Variants in NKPD1 observed in about 807,000 individuals in gnomAD.
NKPD1 encodes the protein NTPase KAP family P-loop domain containing 1.
A neutral mutation model predicts 42.2 loss-of-function variants in NKPD1; 37 were observed. That is an observed-to-expected ratio of 0.88 (90% confidence interval 0.67 to 1.15). The LOEUF (loss-of-function observed/expected upper bound fraction) is 1.15, where lower values mean the gene tolerates loss of function less well. NKPD1 is among the 50% of genes most tolerant of loss of function. The probability of loss-of-function intolerance (pLI) is 0.00; values close to 1 mark genes in which losing one functional copy is unlikely to be tolerated. For synonymous variants in NKPD1, 552 were observed against 536.5 expected, an observed-to-expected ratio of 1.03 and a Z score of -0.40; for missense variants, 1,113 against 1,174.6, an observed-to-expected ratio of 0.95 and a Z score of 0.77.
chr19:45,161,914 G>T (rs1264089804), upstream of NKPD1, among the ~76,000 whole-genome samples: 4 of 152,144 alleles, frequency 2.6e-5, no homozygotes, highest in African/African-American at 9.7e-5. Flanking sequence ...AACCCACCCA[G>T]CCCTGAGTTC....
upstream of NKPD1, among the ~76,000 whole-genome samples, chr19:45,161,902 G>C (rs1039011943): frequency 6.6e-6 from 1 of 152,104 alleles, no homozygotes; most frequent in Non-Finnish European, 1.5e-5. Flanking sequence ...CAAGATAAAG[G>C]GAACCCACCC....
Position 45,160,236 on chromosome 19 carries a change from G to T in NKPD1, c.-71-15C>A. 2.5e-6 allele frequency: 2 copies of T among 787,176 alleles called. No homozygotes were observed. The highest frequency in any genetic ancestry group is 3.7e-6 in the Non-Finnish European group (2 of 535,096). The allele number at this position is 787,176 out of a possible 1,614,324, so 48.8% of individuals were successfully genotyped here. A position where few individuals can be genotyped will look rare whatever the true frequency, so the allele number is the denominator to read the frequency against. ...TGGCGTAGCCTCTGGGGCACGAACA[G>T]CAGAGAGCTGAGGTCAGGGTCCCTG... On this transcript the variant is annotated splice_polypyrimidine_tract_variant and intron_variant, in intron 1 of 4. Coordinates refer to ENST00000686631, the MANE Select transcript of NKPD1 (RefSeq NM_198478.4).
intron 3 of NKPD1, 27 bp from the exon 4 acceptor site, chr19:45,155,943 G>A (rs1391503067): frequency 7.7e-7 from 1 of 1,298,110 alleles, no homozygotes; most frequent in South Asian, 1.2e-5. Context: ...GGGACACTGA[G>A]TCAGGACCAC....
At position 45,158,086 on chromosome 19, in the gene NKPD1, G is replaced by A. The variant is rs1968937500; in HGVS notation, c.529+577C>T. 6.6e-6 allele frequency among the ~76,000 whole-genome samples: 1 copy of A among 152,166 alleles called. No homozygotes were observed. Among genetic ancestry groups the A allele is most frequent in the South Asian group, 2.1e-4 (1 of 4,830 alleles). On this transcript the variant is annotated intron_variant, in intron 3 of 4. Transcript: ENST00000686631. This position sits in a 1 kb window ranked among gnomAD's most constrained non-coding sequence, Gnocchi z 4.6. ...TGCCCCCGGCTGCAATGCAATGTGAGCCCCATGAAGACAAGAGATGTCTGT... is the reference window on the plus strand; with the variant it reads ...TGCCCCCGGCTGCAATGCAATGTGAACCCCATGAAGACAAGAGATGTCTGT...
Position 45,158,389 on chromosome 19 carries a change from G to A in NKPD1, c.529+274C>T, listed in dbSNP as rs531288341. On this transcript the variant is annotated intron_variant, in intron 3 of 4. Transcript: ENST00000686631. The surrounding 1 kb of genome is among the most constrained non-coding windows in gnomAD (Gnocchi z 4.6). ...GAGACCAGAGCAGAGCCAGGGTGTC[G>A]GCAGAGGGAAAGGGGGAAGGAGAGG... Among the ~76,000 whole-genome samples the A allele has an allele frequency of 2.0e-4, 30 of 152,350 alleles. No homozygotes were observed. Among genetic ancestry groups the A allele is most frequent in the African/African-American group, 6.0e-4 (25 of 41,582 alleles).
chr19:45,157,867 C>T (rs572957233), intron 3 of NKPD1, among the ~76,000 whole-genome samples: 59 of 151,710 alleles, frequency 3.9e-4, no homozygotes, highest in African/African-American at 1.2e-3. Flanking sequence ...TGGGATTACA[C>T]GCGCCAGCCA....
rs535232390 is a variant in NKPD1, at chr19:45,151,159, C to A, written c.*779G>T. The A allele has an allele frequency of 4.6e-5, 7 of 152,762 alleles. No individual in the cohort carries two copies. The East Asian group carries it at 1.4e-3, about 29-fold the overall frequency. The allele number at this position is 152,762 out of a possible 1,614,324, so 9.5% of individuals were successfully genotyped here. ...CCTGTATGTCCCCATCTCTGCCCAA[C>A]TTCCCTGTCCTCATCAGGGGGCTGA... On this transcript the variant is annotated 3_prime_UTR_variant, in exon 5 of 5. Transcript: ENST00000686631.
In NKPD1 at chr19:45,152,792, C is replaced by T; in HGVS notation, c.1645G>A (p.Asp549Asn). 2 of 1,602,666 alleles carry T rather than the reference C, an allele frequency of 1.2e-6. No homozygotes were observed. The highest frequency in any genetic ancestry group is 1.7e-6 in the Non-Finnish European group (2 of 1,175,262). Residue 549 changes from aspartate to asparagine, a missense_variant, in exon 5 of 5, where the codon GAC becomes AAC. Coordinates refer to ENST00000686631, the MANE Select transcript of NKPD1 (RefSeq NM_198478.4). Reference sequence around the variant, plus strand: ...GTCATCTCGCGGTACAACAGGTCGTCGCGGCTCTGCACCGCATCGTGCAGG... The same window carrying T: ...GTCATCTCGCGGTACAACAGGTCGTTGCGGCTCTGCACCGCATCGTGCAGG... ...QFLHDAVQSR[D>N]DLLYREMTRK...
chr19:45,157,463 G>A (rs910387877), intron 3 of NKPD1, among the ~76,000 whole-genome samples: 12 of 152,218 alleles, frequency 7.9e-5, no homozygotes, highest in African/African-American at 2.9e-4. Context: ...CCAGGCTGGA[G>A]TGCAGCGGCA....
intron 3 of NKPD1, among the ~76,000 whole-genome samples, chr19:45,157,813 C>T (rs1228584356): frequency 6.6e-6 from 1 of 151,018 alleles, no homozygotes; most frequent in Non-Finnish European, 1.5e-5. Flanking sequence ...CAACCTCTAC[C>T]TCCCGGTTTC....
chr19:45,159,838 G>C (rs188519295), intron 2 of NKPD1, among the ~76,000 whole-genome samples: 6 of 152,192 alleles, frequency 3.9e-5, no homozygotes, highest in Non-Finnish European at 8.8e-5. Context: ...CAGGCCAGGC[G>C]GCCCCTGCTT....
intron 1 of NKPD1, among the ~76,000 whole-genome samples, 36 bp downstream of exon 1, chr19:45,160,889 A>G (rs1968991889): frequency 6.6e-6 from 1 of 151,784 alleles, no homozygotes; most frequent in Non-Finnish European, 1.5e-5. Context: ...TAGCCTGCCC[A>G]CCACTCCCCA....
At chr19:45,153,980 C>T in intron 4 of NKPD1, 1 of 485,096 alleles carries the variant, frequency 2.1e-6, no homozygotes, top group Non-Finnish European at 3.4e-6. Flanking sequence ...CGGGCTTGGA[C>T]CGGAAGCGGT....
intron 3 of NKPD1, among the ~76,000 whole-genome samples, chr19:45,157,407 T>A (rs1816485152): frequency 6.6e-6 from 1 of 152,200 alleles, no homozygotes; most frequent in Admixed American, 6.5e-5. Context: ...CTAGTGTGGT[T>A]GTTACCGAGT....
Position 45,153,510 on chromosome 19 carries a change from G to A in NKPD1, c.927C>T (p.Gly309=). 1 of 1,552,628 alleles carries A rather than the reference G, an allele frequency of 6.4e-7. No individual in the cohort carries two copies. The highest frequency in any genetic ancestry group is 1.2e-5 in the South Asian group (1 of 85,180). ...TLCEGIRRHY[G]ALPFSVYSVL... is the part of the protein sequence containing the mutation. ...CCGAGTACACGCTGAAGGGCAGTGC[G>A]CCATAGTGGCGGCGGATGCCCTCGC... The change falls in exon 5 of 5, where the codon GGC becomes GGT. Residue 309 remains glycine (G), a synonymous_variant. Coordinates refer to ENST00000686631, the MANE Select transcript of NKPD1 (RefSeq NM_198478.4).
Position 45,152,790 on chromosome 19 carries a change from G to T in NKPD1, c.1647C>A (p.Asp549Glu). The stretch of plus-strand genomic sequence containing the variant: ...GCGTCATCTCGCGGTACAACAGGTC[G>T]TCGCGGCTCTGCACCGCATCGTGCA... ...QFLHDAVQSR[D>E]DLLYREMTRK... Residue 549 changes from aspartate (D) to glutamate (E), a missense_variant, in exon 5 of 5, where the codon GAC (aspartate) becomes GAA (glutamate). Around this residue, in one of 3 missense-constraint regions of NKPD1, gnomAD observed 867 missense variants for 870.1 expected, o/e 1.00. Transcript: ENST00000686631. 6.2e-7 allele frequency: 1 copy of T among 1,602,428 alleles called. No homozygotes were observed. The highest frequency in any genetic ancestry group is 8.5e-7 in the Non-Finnish European group (1 of 1,175,274).
intron 2 of NKPD1, 140 bp downstream of exon 2, chr19:45,159,920 C>A (rs1245461507): frequency 2.6e-6 from 1 of 380,330 alleles, no homozygotes; most frequent in Non-Finnish European, 4.9e-6. Context: ...CCAGGCCCTG[C>A]TGCTACACAG....
chr19:45,149,976 T>C lies in NKPD1; in HGVS notation c.*1962A>G, dbSNP rs1054470. 0.7 allele frequency: 105,729 copies of C among 152,016 alleles called. 37,989 individuals are homozygous for C. Among genetic ancestry groups the C allele is most frequent in the African/African-American group, 0.84 (34,898 of 41,470 alleles). The allele number at this position is 152,016 out of a possible 1,614,324, so 9.4% of individuals were successfully genotyped here. The stretch of plus-strand genomic sequence containing the variant: ...AAGGCGCACAGGTCAGCCGTGCTCC[T>C]TTTTTGTTCGTGACAACGGTCCCGT... On this transcript the variant is annotated 3_prime_UTR_variant, in exon 5 of 5. Coordinates refer to ENST00000686631, the MANE Select transcript of NKPD1 (RefSeq NM_198478.4).
At position 45,152,307 on chromosome 19, in the gene NKPD1, G is replaced by A; in HGVS notation, c.2130C>T (p.Asn710=). The change falls in exon 5 of 5, where the codon AAC becomes AAT. Residue 710 remains asparagine, a synonymous_variant. Coordinates refer to ENST00000686631, the MANE Select transcript of NKPD1 (RefSeq NM_198478.4). Reference sequence around the variant, plus strand: ...CGGGGTCGCCGTCCAGGTCGAGCACGTTCTGCAACGCCTTGGTCATGGTGT... The same window carrying A: ...CGGGGTCGCCGTCCAGGTCGAGCACATTCTGCAACGCCTTGGTCATGGTGT... ...ELHTMTKALQ[N]VLDLDGDPEL... The A allele has an allele frequency of 1.2e-6, 2 of 1,610,868 alleles. No homozygotes were observed. Among genetic ancestry groups the A allele is most frequent in the Non-Finnish European group, 1.7e-6 (2 of 1,178,976 alleles).
Sources: gnomAD v4.1 joint callset for allele counts (sites outside exome capture counted in the v4.1 genomes callset) on GRCh38, gnomAD v4.1.1 for gene constraint, gnomAD v4.1.1 regional missense constraint, Gnocchi (gnomAD v3.1) non-coding constraint, MANE v1.5 for transcripts, NCBI Gene and HGNC (gene_info 2026-07-23, HGNC 2026-07-21) for gene names.